The following PLPPR5 variants were observed in gnomAD, a reference collection of about 807,000 sequenced individuals.
PLPPR5 encodes phospholipid phosphatase-related protein type 5.
In PLPPR5, 16 loss-of-function variants were observed where a neutral mutation model predicts 33.9. The observed-to-expected ratio is 0.47, with a 90% CI of 0.32 to 0.72. PLPPR5 has a LOEUF of 0.72. Among genes scored for constraint, PLPPR5 ranks in the 30% least tolerant of loss-of-function variants. PLPPR5 has a pLI of 0.03. For missense variants in PLPPR5, 301 were observed against 406.7 expected, an observed-to-expected ratio of 0.74 and a Z score of 2.23; for synonymous variants, 163 against 150.3, an observed-to-expected ratio of 1.08 and a Z score of -0.62.
intron 3 of PLPPR5, among the ~76,000 whole-genome samples, chr1:98,946,086 G>C (rs1480624098): frequency 6.6e-6 from 1 of 152,128 alleles, no homozygotes; most frequent in Non-Finnish European, 1.5e-5. Flanking sequence ...AAGGAAACCA[G>C]CTAAATCCAA....
chr1:99,001,684 ATATATATATATATATATATATG>A (rs1027112833), intron 1 of PLPPR5, among the ~76,000 whole-genome samples: 4 of 143,308 alleles, frequency 2.8e-5, no homozygotes, highest in South Asian at 2.2e-4. Context: ...ATATATATAT[ATATATATATATATATATATATG>A]AAGCTTTATT....
chr1:98,929,727 A>C (rs1649898333), intron 3 of PLPPR5, among the ~76,000 whole-genome samples: 1 of 152,198 alleles, frequency 6.6e-6, no homozygotes, highest in Non-Finnish European at 1.5e-5. Flanking sequence ...TTACATGGAG[A>C]CTATTTATCT....
intron 2 of PLPPR5, 131 bp from the exon 3 acceptor site, chr1:98,953,451 C>T (rs1650875649): frequency 7.7e-7 from 1 of 1,303,524 alleles, no homozygotes; most frequent in Admixed American, 2.6e-5. Flanking sequence ...TAAAATATTC[C>T]ATGCATATAC....
chr1:98,905,378 C>T (rs965709939), intron 5 of PLPPR5, among the ~76,000 whole-genome samples: 2 of 152,060 alleles, frequency 1.3e-5, no homozygotes, highest in African/African-American at 4.8e-5. Flanking sequence ...TAGACATCAA[C>T]TTTTTGACAT....
intron 1 of PLPPR5, among the ~76,000 whole-genome samples, chr1:98,970,869 A>G (rs1651632355): frequency 6.6e-6 from 1 of 152,084 alleles, no homozygotes; most frequent in Non-Finnish European, 1.5e-5. Flanking sequence ...TCAATGTCAA[A>G]CTTGACATTA....
chr1:98,918,269 G>T (rs1367891085), intron 4 of PLPPR5, among the ~76,000 whole-genome samples: 1 of 152,060 alleles, frequency 6.6e-6, no homozygotes, highest in Non-Finnish European at 1.5e-5. Context: ...ATATAATCAG[G>T]CTTCAATTTT....
rs1286743763 is a variant in PLPPR5, at chr1:98,914,915, C to A, written c.804G>T (p.Val268=). The change falls in exon 5 of 6, where the codon GTG becomes GTT. Residue 268 remains valine (V), a synonymous_variant. Transcript: ENST00000263177. ...TCCCTTTGAAATTATTCACCACGCA[C>A]ACAACCTAAAATTTCAGAAGACAAT... ...VGISIAVFLV[V]CVVNNFKGRQ... 2 of 1,610,086 alleles carry A rather than the reference C, an allele frequency of 1.2e-6. No individual in the cohort carries two copies. The highest frequency in any genetic ancestry group is 3.3e-5 in the Admixed American group (2 of 59,808).
intron 3 of PLPPR5, among the ~76,000 whole-genome samples, chr1:98,926,457 T>C (rs937123116): frequency 9.4e-5 from 11 of 117,542 alleles, no homozygotes; most frequent in African/African-American, 3.1e-4. Flanking sequence ...AGTGTGTGTG[T>C]GTGTGTGTGT....
intron 3 of PLPPR5, among the ~76,000 whole-genome samples, chr1:98,934,315 A>G (rs1650099871): frequency 6.6e-6 from 1 of 152,200 alleles, no homozygotes; most frequent in African/African-American, 2.4e-5. Context: ...CAAAACACAG[A>G]AAGGAAGAGT....
intron 3 of PLPPR5, among the ~76,000 whole-genome samples, chr1:98,951,219 CCT>C (rs1440632197): frequency 1.3e-5 from 2 of 152,072 alleles, no homozygotes; most frequent in African/African-American, 4.8e-5. Flanking sequence ...AGTTTCAATC[CCT>C]GTTTTAAGGC....
intron 3 of PLPPR5, among the ~76,000 whole-genome samples, chr1:98,949,834 G>C (rs560862071): frequency 1.3e-5 from 2 of 152,294 alleles, no homozygotes; most frequent in East Asian, 3.9e-4. Context: ...GGGTGGTGGG[G>C]TAAGACAGAG....
chr1:98,960,619 G>T (rs1651210117), intron 1 of PLPPR5, among the ~76,000 whole-genome samples: 1 of 152,140 alleles, frequency 6.6e-6, no homozygotes, highest in East Asian at 1.9e-4. Flanking sequence ...TTTGAAGAAA[G>T]GTTTATAATC....
intron 5 of PLPPR5, among the ~76,000 whole-genome samples, chr1:98,911,186 C>G (rs1256403525): frequency 6.6e-6 from 1 of 152,098 alleles, no homozygotes. Context: ...ACTGTGCAGA[C>G]AGCATTCTGC....
Position 99,004,481 on chromosome 1 carries a change from G to A in PLPPR5, c.191C>T (p.Pro64Leu). 1 of 1,612,500 alleles carries A rather than the reference G, an allele frequency of 6.2e-7. No homozygotes were observed. The highest frequency in any genetic ancestry group is 8.5e-7 in the Non-Finnish European group (1 of 1,179,560). ...GGCCAGCGAGTAGAGGAGCACGGGG[G>A]GCACGGCGCTGCTGTCCTCCGGGCC... ...YPGPEDSSAV[P>L]PVLLYSLAAG... is the part of the protein sequence containing the mutation. The change falls in exon 1 of 6, where the codon CCC becomes CTC. Residue 64 changes from proline to leucine, a missense_variant. By Grantham distance (98) the Pro-to-Leu change is moderately conservative (BLOSUM62 -3). Coordinates refer to ENST00000263177, the MANE Select transcript of PLPPR5 (RefSeq NM_001037317.2).
At chr1:98,906,562 T>A (rs751449232) in intron 5 of PLPPR5, among the ~76,000 whole-genome samples, 1 of 152,118 alleles carries the variant, frequency 6.6e-6, no homozygotes, top group South Asian at 2.1e-4. Flanking sequence ...TTCTGATTAA[T>A]GAAATTTATA....
At chr1:98,958,636 A>G (rs1375906273) in intron 1 of PLPPR5, among the ~76,000 whole-genome samples, 1 of 152,150 alleles carries the variant, frequency 6.6e-6, no homozygotes, top group African/African-American at 2.4e-5. Context: ...ATTTTTCATG[A>G]GTATCTGGAG....
intron 1 of PLPPR5, among the ~76,000 whole-genome samples, chr1:98,983,333 C>T (rs930851790): frequency 1.1e-4 from 15 of 132,900 alleles, no homozygotes; most frequent in Middle Eastern, 7.3e-3. Flanking sequence ...TGAGAATATG[C>T]GGTGTTTGGT....
rs1000235908 is a variant in PLPPR5 at position 98,946,703 on chromosome 1, T to C, written c.621+6367A>G. On this transcript the variant is annotated intron_variant, in intron 3 of 5. Coordinates refer to ENST00000263177, the MANE Select transcript of PLPPR5 (RefSeq NM_001037317.2). ...TTGGGTGGGACTCATCATTACCAGATACTCTTACAATCATATTCCATAGAG... is the reference window on the plus strand; with the variant it reads ...TTGGGTGGGACTCATCATTACCAGACACTCTTACAATCATATTCCATAGAG... 8.5e-5 allele frequency among the ~76,000 whole-genome samples: 13 copies of C among 152,210 alleles called. 1 individual carries two copies. Among genetic ancestry groups the C allele is most frequent in the African/African-American group, 3.1e-4 (13 of 41,532 alleles).
intron 5 of PLPPR5, among the ~76,000 whole-genome samples, chr1:98,896,567 T>C (rs1469305452): frequency 6.6e-6 from 1 of 152,042 alleles, no homozygotes; most frequent in Admixed American, 6.6e-5. Context: ...TGACCCCAAA[T>C]AGTTGTAGAT....
Sources: gnomAD v4.1 joint callset for allele counts (sites outside exome capture counted in the v4.1 genomes callset) on GRCh38, gnomAD v4.1.1 for gene constraint, MANE v1.5 for transcripts, NCBI Gene and HGNC (gene_info 2026-07-23, HGNC 2026-07-21) for gene names.